Variants in CUX1 observed in about 807,000 individuals in gnomAD.
CUX1 encodes protein CASP.
CUX1 carries 31 observed loss-of-function variants against 158.8 expected under a neutral mutation model. The observed-to-expected ratio is 0.20, with a 90% confidence interval of 0.15 to 0.26. The LOEUF (loss-of-function observed/expected upper bound fraction) is 0.26, where lower values mean the gene tolerates loss of function less well. Ranked by LOEUF, CUX1 falls within the 10% of genes least tolerant of loss-of-function variation. The pLI, the probability that CUX1 is intolerant of heterozygous loss-of-function variation, is 1.00. For missense variants in CUX1, 1,589 were observed against 2,014.6 expected (o/e 0.79, Z 4.04); for synonymous variants, 879 against 862.1 (o/e 1.02, Z -0.34).
chr7:101,893,816 GC>G (rs1273321003), intron 1 of CUX1, among the ~76,000 whole-genome samples: 1 of 152,180 alleles, frequency 6.6e-6, no homozygotes, highest in Non-Finnish European at 1.5e-5. Context: ...TAGATAATTT[GC>G]CATAAAAATT....
intron 2 of CUX1, among the ~76,000 whole-genome samples, chr7:101,929,988 C>T (rs1806108213): frequency 6.6e-6 from 1 of 152,080 alleles, no homozygotes; most frequent in Non-Finnish European, 1.5e-5. Flanking sequence ...ATTACAGGCA[C>T]CAACCACCAT....
intron 8 of CUX1, among the ~76,000 whole-genome samples, chr7:102,129,824 C>T (rs1265725522): frequency 6.6e-6 from 1 of 152,162 alleles, no homozygotes; most frequent in African/African-American, 2.4e-5. Context: ...AGGTGGCGGC[C>T]CGCATTGGAG....
chr7:102,196,510 TA>T (rs1438428616), intron 14 of CUX1, 123 bp from the exon 15 acceptor site: 28 of 911,284 alleles, frequency 3.1e-5, no homozygotes, highest in South Asian at 6.9e-5. Flanking sequence ...TTGGCCCTTG[TA>T]AAAAAAACCT....
intron 2 of CUX1, among the ~76,000 whole-genome samples, chr7:102,015,760 G>A (rs550611905): frequency 4.9e-4 from 74 of 152,176 alleles, no homozygotes; most frequent in African/African-American, 1.2e-3. Context: ...CTGAGTTCAC[G>A]TGCTCCTTCC....
At chr7:102,130,799 T>A (rs1279894564) in intron 8 of CUX1, among the ~76,000 whole-genome samples, 1 of 152,186 alleles carries the variant, frequency 6.6e-6, no homozygotes, top group Non-Finnish European at 1.5e-5. Context: ...TTGCTTCTTC[T>A]AAGTTGGACG....
chr7:102,121,698 C>G (rs1014254811), intron 8 of CUX1, among the ~76,000 whole-genome samples: 1 of 152,124 alleles, frequency 6.6e-6, no homozygotes, highest in African/African-American at 2.4e-5. Flanking sequence ...TGAGTGTTAT[C>G]TTGTTTGCCC....
intron 8 of CUX1, among the ~76,000 whole-genome samples, chr7:102,148,538 G>C (rs940317341): frequency 6.6e-6 from 1 of 151,584 alleles, no homozygotes; most frequent in African/African-American, 2.4e-5. Context: ...CCAAGACTCC[G>C]TATCAAAAAC....
chr7:101,932,932 T>C (rs1806451532), intron 2 of CUX1, among the ~76,000 whole-genome samples: 1 of 152,242 alleles, frequency 6.6e-6, no homozygotes, highest in Non-Finnish European at 1.5e-5. Flanking sequence ...ATTTTTCTTT[T>C]TACTGAAACC....
chr7:101,857,848 G>C (rs931611296), intron 1 of CUX1, among the ~76,000 whole-genome samples: 2 of 152,142 alleles, frequency 1.3e-5, no homozygotes, highest in African/African-American at 4.8e-5. Context: ...AAGGGCTGGG[G>C]GTGGTGGCTC....
At chr7:102,063,382 T>TC (rs1825157586) in intron 3 of CUX1, among the ~76,000 whole-genome samples, 1 of 128,648 alleles carries the variant, frequency 7.8e-6, no homozygotes, top group African/African-American at 2.7e-5. Context: ...TATTTCCTTT[T>TC]CTTTTTTTTT....
At chr7:101,836,071 A>G (rs1794588677) in intron 1 of CUX1, among the ~76,000 whole-genome samples, 1 of 152,228 alleles carries the variant, frequency 6.6e-6, no homozygotes, top group Non-Finnish European at 1.5e-5. Flanking sequence ...ATGATCGACT[A>G]TAGTCACCCT....
intron 23 of CUX1, among the ~76,000 whole-genome samples, chr7:102,244,828 G>A (rs1286014519): frequency 2.6e-5 from 4 of 152,112 alleles, no homozygotes; most frequent in East Asian, 3.8e-4. Context: ...CTGAACCCTC[G>A]CAGCCACGGC....
At chr7:102,037,533 G>T (rs1156655306) in intron 3 of CUX1, among the ~76,000 whole-genome samples, 2 of 151,388 alleles carry the variant, frequency 1.3e-5, no homozygotes, top group African/African-American at 2.4e-5. Flanking sequence ...TGTATTTTTA[G>T]TAGAGACAGG....
chr7:102,157,099 G>A (rs78360105), intron 8 of CUX1, among the ~76,000 whole-genome samples: 10,188 of 152,244 alleles, frequency 0.067, 482 homozygotes, highest in African/African-American at 0.12. Flanking sequence ...GGTCCCGCAC[G>A]AGATGGGAGT....
intron 2 of CUX1, among the ~76,000 whole-genome samples, chr7:101,969,205 C>G (rs1225250046): frequency 6.6e-6 from 1 of 151,614 alleles, no homozygotes; most frequent in Non-Finnish European, 1.5e-5. Flanking sequence ...CGTGGTGGCG[C>G]ACACCTGTAC....
intron 17 of CUX1, among the ~76,000 whole-genome samples, chr7:102,200,809 G>T (rs1795331109): frequency 6.6e-6 from 1 of 151,844 alleles, no homozygotes; most frequent in Non-Finnish European, 1.5e-5. Flanking sequence ...GGGGGAGGAT[G>T]ACTTGAGTTC....
At chr7:102,105,867 C>T (rs962062152) in intron 6 of CUX1, among the ~76,000 whole-genome samples, 3 of 151,150 alleles carry the variant, frequency 2.0e-5, no homozygotes, top group African/African-American at 4.9e-5. Flanking sequence ...GTTTTATACC[C>T]GCTCCCATCA....
At chr7:102,019,145 G>A (rs1585297310) in intron 2 of CUX1, among the ~76,000 whole-genome samples, 1 of 151,972 alleles carries the variant, frequency 6.6e-6, no homozygotes, top group African/African-American at 2.4e-5. Context: ...TATCCTCCTC[G>A]GTCCACATTC....
rs782213410 is a variant in CUX1 at position 102,115,181 on chromosome 7, A to G, written c.608-26A>G. On this transcript the variant is annotated intron_variant, in intron 7 of 23. Coordinates refer to ENST00000292535, the MANE Select transcript of CUX1 (RefSeq NM_181552.4). ...TGCATTCTTTTAAAATTTCATTTAA[A>G]TAGTTAGTAATTCTTTGCCTTTCAG... 6 of 1,596,620 alleles carry G rather than the reference A, an allele frequency of 3.8e-6. No homozygotes were observed. The South Asian group carries it at 6.7e-5, about 18-fold the overall frequency.
Sources: allele counts gnomAD v4.1 joint callset (sites outside exome capture counted in the v4.1 genomes callset), GRCh38; gene constraint gnomAD v4.1.1; transcripts MANE v1.5; gene names NCBI Gene and HGNC (gene_info 2026-07-23, HGNC 2026-07-21).